The following EVL variants were observed in gnomAD, a reference collection of about 807,000 sequenced individuals.
EVL encodes the protein ena/VASP-like protein.
In EVL, 21 loss-of-function variants were observed where a neutral mutation model predicts 59.6. The ratio of observed to expected loss-of-function variants is 0.35; its 90% confidence interval spans 0.25 to 0.51. The LOEUF is 0.51. Among genes scored for constraint, EVL ranks in the 20% least tolerant of loss-of-function variants. The probability of loss-of-function intolerance (pLI) is 0.97; values close to 1 mark genes in which losing one functional copy is unlikely to be tolerated. For synonymous variants in EVL, 198 were observed against 203.5 expected (o/e 0.97, Z 0.23); for missense variants, 462 against 546.6 (o/e 0.85, Z 1.54).
intron 1 of EVL, among the ~76,000 whole-genome samples, chr14:99,989,665 C>T (rs1013714834): frequency 2.0e-5 from 3 of 152,158 alleles, no homozygotes; most frequent in African/African-American, 7.2e-5. Flanking sequence ...TTCAAGTGAT[C>T]AACAGTTACA....
intron 1 of EVL, among the ~76,000 whole-genome samples, chr14:100,068,732 G>T (rs1192764250): frequency 6.6e-6 from 1 of 152,186 alleles, no homozygotes; most frequent in African/African-American, 2.4e-5. Flanking sequence ...TAGGTGGGTG[G>T]TGATTCCTTT....
At chr14:99,993,828 A>G (rs796804384) in intron 1 of EVL, among the ~76,000 whole-genome samples, 6 of 150,804 alleles carry the variant, frequency 4.0e-5, no homozygotes, top group African/African-American at 1.5e-4. Flanking sequence ...AGTAGCTGGG[A>G]TTACAGGTGC....
intron 3 of EVL, among the ~76,000 whole-genome samples, chr14:100,105,364 C>T (rs1429551275): frequency 6.6e-6 from 1 of 152,092 alleles, no homozygotes; most frequent in Non-Finnish European, 1.5e-5. Context: ...TCTAGCCTTC[C>T]AGACTGAGAC....
intron 1 of EVL, chr14:100,019,459 C>T (rs1234124132): frequency 1.5e-5 from 8 of 540,808 alleles, no homozygotes; most frequent in Non-Finnish European, 2.6e-5. Flanking sequence ...CTAGCTGCCT[C>T]CCCTGTTAGC....
At chr14:100,057,247 TTATATGATGAAAGATG>T (rs1409708263) in intron 1 of EVL, among the ~76,000 whole-genome samples, 7 of 152,182 alleles carry the variant, frequency 4.6e-5, no homozygotes, top group African/African-American at 1.7e-4. Flanking sequence ...ACTTCTCCCT[TTATATGATGAAAGATG>T]TATATGGAGA....
At chr14:99,981,742 C>T (rs2060807910) in intron 1 of EVL, among the ~76,000 whole-genome samples, 1 of 152,218 alleles carries the variant, frequency 6.6e-6, no homozygotes, top group Admixed American at 6.5e-5. Context: ...TACATACCTT[C>T]ATTAGAAAAT....
intron 3 of EVL, among the ~76,000 whole-genome samples, chr14:100,119,351 C>T (rs1219391242): frequency 6.6e-6 from 1 of 152,214 alleles, no homozygotes; most frequent in East Asian, 1.9e-4. Context: ...GCCCCTGCCT[C>T]GGCAAAATCA....
At chr14:100,097,821 A>G (rs962423189) in intron 3 of EVL, 163 bp downstream of exon 3, 1 of 587,366 alleles carries the variant, frequency 1.7e-6, no homozygotes, top group Non-Finnish European at 2.9e-6. Context: ...ATTTAGAGAT[A>G]TTAACAATTC....
intron 1 of EVL, among the ~76,000 whole-genome samples, chr14:100,072,212 G>T (rs748103550): frequency 6.6e-6 from 1 of 152,166 alleles, no homozygotes; most frequent in Non-Finnish European, 1.5e-5. Context: ...GAAACATTTT[G>T]TAAAAATTGG....
At chr14:100,019,575 T>C in intron 1 of EVL, 6 of 1,175,474 alleles carry the variant, frequency 5.1e-6, no homozygotes, top group Non-Finnish European at 7.0e-6. Context: ...CTCATTTTTC[T>C]GCACTTTGCA....
At chr14:100,076,562 C>T (rs2062165490) in intron 1 of EVL, among the ~76,000 whole-genome samples, 1 of 152,208 alleles carries the variant, frequency 6.6e-6, no homozygotes, top group Non-Finnish European at 1.5e-5. Flanking sequence ...CAGAGAAGGA[C>T]CATCTAACTC....
chr14:100,096,031 A>G (rs1311830497), intron 2 of EVL, among the ~76,000 whole-genome samples: 1 of 152,070 alleles, frequency 6.6e-6, no homozygotes, highest in East Asian at 1.9e-4. Context: ...CCCAGCTTCA[A>G]TTACGTTTTT....
chr14:100,033,061 G>A (rs1279440116), intron 1 of EVL, among the ~76,000 whole-genome samples: 1 of 152,164 alleles, frequency 6.6e-6, no homozygotes. Flanking sequence ...GGCTTTTGGG[G>A]ATTTTGATGG....
chr14:99,998,161 A>T (rs1198677046), intron 1 of EVL, among the ~76,000 whole-genome samples: 1 of 152,090 alleles, frequency 6.6e-6, no homozygotes, highest in Admixed American at 6.6e-5. Context: ...CTGGGAACAC[A>T]GATCTGCGCC....
At chr14:100,093,107 A>G (rs2062599654) in intron 2 of EVL, among the ~76,000 whole-genome samples, 1 of 152,242 alleles carries the variant, frequency 6.6e-6, no homozygotes, top group Non-Finnish European at 1.5e-5. Context: ...TCTGGCAGTT[A>G]ATAAACACTG....
chr14:99,974,964 C>T (rs1306702085), intron 1 of EVL: 1 of 152,608 alleles, frequency 6.6e-6, no homozygotes. Context: ...GCTTCAGGGA[C>T]TTAATCTTCA....
At chr14:100,137,831 C>G in intron 11 of EVL, 29 bp downstream of exon 11, 9 of 1,609,918 alleles carry the variant, frequency 5.6e-6, no homozygotes, top group Non-Finnish European at 6.8e-6. Flanking sequence ...GCTCACATGT[C>G]CCCCAGGGTT....
intron 4 of EVL, among the ~76,000 whole-genome samples, chr14:100,124,810 A>G (rs2140370316): frequency 6.6e-6 from 1 of 152,264 alleles, no homozygotes; most frequent in Admixed American, 6.5e-5. Flanking sequence ...CCCAGGGCCC[A>G]ATCCAAGCTG....
rs536589384 is a variant in EVL at position 99,979,753 on chromosome 14, C to T, written c.5+7696C>T. 3.9e-5 allele frequency among the ~76,000 whole-genome samples: 6 copies of T among 152,282 alleles called. No individual in the cohort carries two copies. The South Asian group carries it at 1.2e-3, about 32-fold the overall frequency. ...GCGTGGTGGCAGGCGCCTGTAGTCC[C>T]AGCTACTCGGGAGGCTGAGGCAGGA... On this transcript the variant is annotated intron_variant, in intron 1 of 13. Transcript: ENST00000402714.
Sources: gnomAD v4.1 joint callset for allele counts (sites outside exome capture counted in the v4.1 genomes callset) on GRCh38, gnomAD v4.1.1 for gene constraint, MANE v1.5 for transcripts, NCBI Gene and HGNC (gene_info 2026-07-23, HGNC 2026-07-21) for gene names.